NACC2: variants seen among roughly 807,000 people sequenced by gnomAD.
The protein encoded by NACC2 is nucleus accumbens-associated protein 2.
A neutral mutation model predicts 25.1 loss-of-function variants in NACC2; 8 were observed. The observed-to-expected ratio is 0.32, with a 90% confidence interval of 0.19 to 0.57. NACC2 has a LOEUF of 0.57. Ranked by LOEUF, NACC2 falls within the 20% of genes least tolerant of loss-of-function variation. The pLI is 0.89. For synonymous variants in NACC2, 435 were observed against 294.7 expected, an observed-to-expected ratio of 1.48 and a Z score of -4.88; for missense variants, 644 against 650.2, an observed-to-expected ratio of 0.99 and a Z score of 0.10.
intron 2 of NACC2, among the ~76,000 whole-genome samples, chr9:136,021,110 G>A (rs1840285256): frequency 6.6e-6 from 1 of 152,170 alleles, no homozygotes; most frequent in African/African-American, 2.4e-5. Flanking sequence ...CAGACTGGAG[G>A]AAGATGCTTG....
At chr9:136,047,307 C>A (rs1840745282) in intron 2 of NACC2, among the ~76,000 whole-genome samples, 1 of 152,202 alleles carries the variant, frequency 6.6e-6, no homozygotes. Context: ...CACCGCCAAC[C>A]CAGCACACCC....
rs1321787528 is a variant in NACC2, at chr9:136,009,267, G to A, written c.*2249C>T. 3 of 152,380 alleles carry A rather than the reference G, an allele frequency of 2.0e-5. No homozygotes were observed. Among genetic ancestry groups the A allele is most frequent in the African/African-American group, 7.2e-5 (3 of 41,472 alleles). 9.4% of individuals were successfully genotyped at this position (152,380 alleles called of 1,614,324 possible). ...CCCGCGGCTTCCTCCCATCTCCGAG[G>A]AAGGCTTGGTCCAGGTTCCCAGCGG... On this transcript the variant is annotated 3_prime_UTR_variant, in exon 6 of 6. Coordinates refer to ENST00000277554, the MANE Select transcript of NACC2 (RefSeq NM_144653.5).
At chr9:136,042,329 C>T (rs1245740572) in intron 2 of NACC2, among the ~76,000 whole-genome samples, 2 of 152,330 alleles carry the variant, frequency 1.3e-5, no homozygotes, top group African/African-American at 4.8e-5. Context: ...AAGACCTACA[C>T]AACCTGACTT....
chr9:136,047,241 C>A (rs932697193), intron 2 of NACC2, among the ~76,000 whole-genome samples: 2 of 152,204 alleles, frequency 1.3e-5, no homozygotes, highest in Non-Finnish European at 2.9e-5. Flanking sequence ...GAGCTAGCAC[C>A]CAGGGGCAGC....
rs777036441 is a variant in NACC2 at position 136,013,198 on chromosome 9, C to T, written c.1255+1G>A. On this transcript the variant is annotated splice_donor_variant, in intron 5 of 5. Coordinates refer to ENST00000277554, the MANE Select transcript of NACC2 (RefSeq NM_144653.5). LOFTEE classifies it high-confidence loss of function. The surrounding 1 kb of genome is among the most constrained non-coding windows in gnomAD (Gnocchi z 6.6). ...CACCCGAGAGACCCCCAGGCTCTTACATTTCACAGCGTTCAGGACCCGGCT... is the reference window on the plus strand; with the variant it reads ...CACCCGAGAGACCCCCAGGCTCTTATATTTCACAGCGTTCAGGACCCGGCT... 1.1e-6 allele frequency: 1 copy of T among 876,048 alleles called. No individual in the cohort carries two copies. The highest frequency in any genetic ancestry group is 1.7e-5 in the African/African-American group (1 of 59,506). 54.3% of individuals were successfully genotyped at this position (876,048 alleles called of 1,614,324 possible).
chr9:136,068,083 G>T (rs1841108659), intron 1 of NACC2, among the ~76,000 whole-genome samples: 2 of 152,226 alleles, frequency 1.3e-5, no homozygotes, highest in South Asian at 4.1e-4. Flanking sequence ...TTGCGGGACT[G>T]GGCATTGCTC....
At chr9:136,094,256 G>T (rs1830463491) in intron 1 of NACC2, among the ~76,000 whole-genome samples, 1 of 152,154 alleles carries the variant, frequency 6.6e-6, no homozygotes, top group Admixed American at 6.5e-5. Context: ...GGGGTTGGGG[G>T]AGGGAGTGGA....
chr9:136,018,089 C>G lies in NACC2; in HGVS notation c.887-1660G>C, dbSNP rs557220109. Among the ~76,000 whole-genome samples, 3 of 152,164 alleles carry G rather than the reference C, an allele frequency of 2.0e-5. No individual in the cohort carries two copies. Among genetic ancestry groups the G allele is most frequent in the African/African-American group, 7.2e-5 (3 of 41,442 alleles). ...AGGGAGGGGTGGGGTGGAACCTGCA[C>G]GTCCAGCAGGCTCGGGGCAGGCAGC... is the stretch of plus-strand genomic sequence containing the variant. On this transcript the variant is annotated intron_variant, in intron 2 of 5. Transcript: ENST00000277554. The surrounding 1 kb of genome is among the most constrained non-coding windows in gnomAD (Gnocchi z 4.4).
chr9:136,050,650 A>C (rs1588571911), intron 1 of NACC2, 70 bp from the exon 2 acceptor site: 1 of 659,312 alleles, frequency 1.5e-6, no homozygotes, highest in East Asian at 2.7e-5. Context: ...GGCCGTTCCC[A>C]CCCCCTCCTC....
At position 136,013,968 on chromosome 9, in the gene NACC2, G is replaced by A; in HGVS notation, c.1053C>T (p.Gly351=). 1 of 1,559,822 alleles carries A rather than the reference G, an allele frequency of 6.4e-7. No individual in the cohort carries two copies. Among genetic ancestry groups the A allele is most frequent in the African/African-American group, 1.4e-5 (1 of 72,976 alleles). The change falls in exon 4 of 6, where the codon GGC becomes GGT. Residue 351 remains glycine, a splice_region_variant and synonymous_variant. Coordinates refer to ENST00000277554, the MANE Select transcript of NACC2 (RefSeq NM_144653.5). This position sits in a 1 kb window ranked among gnomAD's most constrained non-coding sequence, Gnocchi z 6.6. ...DPGEKLELVA[G]SGVYITRGQL... Reference sequence around the variant, plus strand: ...GGCCGCGTGTGATGTAGACCCCAGAGCCTGCAGCCACCAAACAGAAAAAGG... The same window carrying A: ...GGCCGCGTGTGATGTAGACCCCAGAACCTGCAGCCACCAAACAGAAAAAGG...
At chr9:136,025,440 C>A (rs572057640) in intron 2 of NACC2, among the ~76,000 whole-genome samples, 2 of 151,934 alleles carry the variant, frequency 1.3e-5, no homozygotes. Flanking sequence ...TGATAAAAAA[C>A]AAAACAAAAC....
Position 136,014,008 on chromosome 9 carries a change from C to A in NACC2, c.1052-39G>T, listed in dbSNP as rs187792134. On this transcript the variant is annotated intron_variant, in intron 3 of 5. Coordinates refer to ENST00000277554, the MANE Select transcript of NACC2 (RefSeq NM_144653.5). ...ACAGAAAAAGGGCTCGTGGCCTTCCCGGGCCATAGGGTCCGAAGAGGCGCA... is the reference window on the plus strand; with the variant it reads ...ACAGAAAAAGGGCTCGTGGCCTTCCAGGGCCATAGGGTCCGAAGAGGCGCA... 2,102 of 1,280,356 alleles carry A rather than the reference C, an allele frequency of 1.6e-3. 23 individuals carry two copies. In the African/African-American group the frequency reaches 0.017, roughly 10 times the overall value. 79.3% of individuals were successfully genotyped at this position (1,280,356 alleles called of 1,614,324 possible).
In NACC2 at chr9:136,007,220, TCTGCATGATTTTC is replaced by T. The variant is rs1840026864; in HGVS notation, c.*4283_*4295del. 6.5e-6 allele frequency: 1 copy of T among 154,448 alleles called. No individual in the cohort carries two copies. Among genetic ancestry groups the T allele is most frequent in the Non-Finnish European group, 1.5e-5 (1 of 68,216 alleles). 9.6% of individuals were successfully genotyped at this position (154,448 alleles called of 1,614,324 possible). A position where few individuals can be genotyped will look rare whatever the true frequency, so the allele number is the denominator to read the frequency against. ...GTCGTCCAGTCTGAATGCTTGCGAT[TCTGCATGATTTTC>T]CTTTCCTTTTCTTTTTCCAAAGAAA... On this transcript the variant is annotated 3_prime_UTR_variant, in exon 6 of 6. Transcript: ENST00000277554.
intron 2 of NACC2, among the ~76,000 whole-genome samples, chr9:136,026,473 GGA>G (rs1840391762): frequency 6.6e-6 from 1 of 152,092 alleles, no homozygotes; most frequent in South Asian, 2.1e-4. Context: ...AAGGAGAGGA[GGA>G]GAGGAGGCTG....
intron 1 of NACC2, among the ~76,000 whole-genome samples, chr9:136,094,239 C>A (rs567741758): frequency 1.8e-4 from 28 of 152,336 alleles, no homozygotes; most frequent in African/African-American, 6.7e-4. Context: ...TCCGGAGGCC[C>A]CGCGCGGGGG....
intron 1 of NACC2, among the ~76,000 whole-genome samples, chr9:136,091,527 G>C (rs1830433546): frequency 1.3e-5 from 2 of 152,246 alleles, no homozygotes; most frequent in Non-Finnish European, 2.9e-5. Context: ...CTGATCCCCT[G>C]TGTGGACAGG....
At chr9:136,059,391 G>C (rs1451008247) in intron 1 of NACC2, among the ~76,000 whole-genome samples, 2 of 152,234 alleles carry the variant, frequency 1.3e-5, no homozygotes, top group Admixed American at 6.5e-5. Context: ...AGAGAAGCCA[G>C]CACGGGGGCT....
chr9:136,062,714 A>C lies in NACC2; in HGVS notation c.-59-12134T>G, dbSNP rs113433532. Among the ~76,000 whole-genome samples the C allele has an allele frequency of 4.2e-3, 643 of 152,296 alleles. 7 individuals carry two copies. Among genetic ancestry groups the C allele is most frequent in the African/African-American group, 0.015 (612 of 41,550 alleles). On this transcript the variant is annotated intron_variant, in intron 1 of 5. Transcript: ENST00000277554. ...TGGACTGCTTGAGCCCAGCAGTTCA[A>C]GACTAGCCTGGGCAACATGGCGAAA...
chr9:136,090,098 C>T (rs550598993), intron 1 of NACC2, among the ~76,000 whole-genome samples: 2 of 152,304 alleles, frequency 1.3e-5, no homozygotes, highest in East Asian at 3.9e-4. Context: ...TCTGTTAAAG[C>T]TGATTTTTTA....
Sources: allele counts gnomAD v4.1 joint callset (sites outside exome capture counted in the v4.1 genomes callset), GRCh38; gene constraint gnomAD v4.1.1; non-coding constraint Gnocchi (gnomAD v3.1); transcripts MANE v1.5; gene names NCBI Gene and HGNC (gene_info 2026-07-23, HGNC 2026-07-21).